Variants in PRKAA2 observed in about 807,000 individuals in gnomAD.
PRKAA2 encodes the protein 5'-AMP-activated protein kinase catalytic subunit alpha-2.
Under a neutral mutation model 56.3 loss-of-function variants are expected in PRKAA2, and 40 were observed. That is an observed-to-expected ratio of 0.71 (90% confidence interval 0.55 to 0.92). PRKAA2 has a LOEUF of 0.92. PRKAA2 is among the 40% of genes least tolerant of loss of function. The pLI, the probability that PRKAA2 is intolerant of heterozygous loss-of-function variation, is 0.00. For missense variants in PRKAA2, 542 were observed against 686.9 expected, an observed-to-expected ratio of 0.79 and a Z score of 2.36; for synonymous variants, 214 against 234.2, an observed-to-expected ratio of 0.91 and a Z score of 0.79.
chr1:56,651,723 A>G (rs1317872076), intron 1 of PRKAA2, among the ~76,000 whole-genome samples: 3 of 152,180 alleles, frequency 2.0e-5, no homozygotes, highest in South Asian at 2.1e-4. Context: ...TACTTTTCCA[A>G]CATTTACTTG....
chr1:56,700,824 C>T (rs1156718227), intron 6 of PRKAA2, among the ~76,000 whole-genome samples: 1 of 152,048 alleles, frequency 6.6e-6, no homozygotes, highest in Non-Finnish European at 1.5e-5. Flanking sequence ...CTATTCTCCC[C>T]ACCTCAATGC....
intron 6 of PRKAA2, among the ~76,000 whole-genome samples, chr1:56,700,670 G>A (rs930463494): frequency 2.0e-5 from 3 of 152,186 alleles, no homozygotes; most frequent in African/African-American, 7.2e-5. Flanking sequence ...TGGGGAGAAG[G>A]CTGTTTGCAG....
chr1:56,684,596 G>A (rs1389216984), intron 2 of PRKAA2, among the ~76,000 whole-genome samples: 2 of 152,156 alleles, frequency 1.3e-5, no homozygotes, highest in African/African-American at 4.8e-5. Context: ...GAAGCCAAGA[G>A]AAGAAAGTGT....
intron 2 of PRKAA2, among the ~76,000 whole-genome samples, chr1:56,681,139 G>C (rs577651498): frequency 6.6e-6 from 1 of 152,310 alleles, no homozygotes; most frequent in South Asian, 2.1e-4. Context: ...GTGTCTGTTG[G>C]CTGCGTAAAT....
chr1:56,703,683 G>C (rs1251801230), intron 6 of PRKAA2, among the ~76,000 whole-genome samples: 2 of 152,190 alleles, frequency 1.3e-5, no homozygotes, highest in African/African-American at 2.4e-5. Context: ...TTGCTTGAAA[G>C]CTTGAATTTT....
At chr1:56,667,222 C>T (rs917998780) in intron 1 of PRKAA2, among the ~76,000 whole-genome samples, 3 of 152,136 alleles carry the variant, frequency 2.0e-5, no homozygotes, top group Admixed American at 1.3e-4. Flanking sequence ...TATCTATGCT[C>T]GTTCCTCATT....
chr1:56,677,407 A>G (rs546166437), intron 2 of PRKAA2, among the ~76,000 whole-genome samples: 4 of 152,308 alleles, frequency 2.6e-5, no homozygotes, highest in African/African-American at 9.6e-5. Flanking sequence ...GAGAAAGCTG[A>G]AATAGCCAGA....
chr1:56,655,280 A>ATATATATATTTTTTTTTT lies in PRKAA2; in HGVS notation c.94+9800_94+9801insATATATATTTTTTTTTTT. ...TGTATTTATATATCTATATATATAT[A>ATATATATATTTTTTTTTT]TTTTTTTTTTTTTTTTGTAGAGACA... On this transcript the variant is annotated intron_variant, in intron 1 of 8. Transcript: ENST00000371244. Among the ~76,000 whole-genome samples, 10 of 93,650 alleles carry ATATATATATTTTTTTTTT rather than the reference A, an allele frequency of 1.1e-4. No homozygotes were observed. The South Asian group carries it at 1.6e-3, about 15-fold the overall frequency. 61.4% of individuals were successfully genotyped at this position (93,650 alleles called of 152,430 possible).
At chr1:56,678,929 CG>C (rs1644134020) in intron 2 of PRKAA2, among the ~76,000 whole-genome samples, 1 of 152,122 alleles carries the variant, frequency 6.6e-6, no homozygotes, top group Non-Finnish European at 1.5e-5. Context: ...CTCTTGACTT[CG>C]TGATCTGCCC....
chr1:56,681,336 G>A (rs1356473079), intron 2 of PRKAA2, among the ~76,000 whole-genome samples: 3 of 152,084 alleles, frequency 2.0e-5, no homozygotes, highest in Non-Finnish European at 4.4e-5. Flanking sequence ...AGTTTCTTTT[G>A]CTGTGCAGAA....
chr1:56,712,623 G>T lies in PRKAA2; in HGVS notation c.*4910G>T, dbSNP rs1015270432. ...TCCCAGCACTTTGGGAGGCCAAAGT[G>T]GGTGGATCACCCGAGTTCAGGAGTT... On this transcript the variant is annotated 3_prime_UTR_variant, in exon 9 of 9. Transcript: ENST00000371244. 2 of 152,118 alleles carry T rather than the reference G, an allele frequency of 1.3e-5. No homozygotes were observed. Among genetic ancestry groups the T allele is most frequent in the African/African-American group, 4.8e-5 (2 of 41,420 alleles). 9.4% of individuals were successfully genotyped at this position (152,118 alleles called of 1,614,324 possible). A position where few individuals can be genotyped will look rare whatever the true frequency, so the allele number is the denominator to read the frequency against.
At chr1:56,702,926 T>G (rs933806600) in intron 6 of PRKAA2, among the ~76,000 whole-genome samples, 3 of 152,254 alleles carry the variant, frequency 2.0e-5, no homozygotes, top group African/African-American at 7.2e-5. Context: ...GGAGGAATGG[T>G]TCTTTTTGTC....
At chr1:56,661,494 C>T (rs1363266372) in intron 1 of PRKAA2, among the ~76,000 whole-genome samples, 1 of 152,086 alleles carries the variant, frequency 6.6e-6, no homozygotes, top group African/African-American at 2.4e-5. Context: ...CTATCCATGT[C>T]ATTGCATGTA....
At chr1:56,655,280 A>ATATATATATATATATTTTTTTTT in intron 1 of PRKAA2, among the ~76,000 whole-genome samples, 1 of 93,652 alleles carries the variant, frequency 1.1e-5, no homozygotes, top group Admixed American at 1.4e-4. Flanking sequence ...ATATATATAT[A>ATATATATATATATATTTTTTTTT]TTTTTTTTTT....
intron 6 of PRKAA2, among the ~76,000 whole-genome samples, chr1:56,701,403 AT>A (rs67806312): frequency 0.019 from 2,949 of 151,806 alleles, 109 homozygotes; most frequent in African/African-American, 0.068. Context: ...TCAAAAAAAA[AT>A]ATATATAGAA....
At position 56,710,154 on chromosome 1, in the gene PRKAA2, G is replaced by A. The variant is rs1644360063; in HGVS notation, c.*2441G>A. The A allele has an allele frequency of 6.6e-6, 1 of 152,006 alleles. No homozygotes were observed. Among genetic ancestry groups the A allele is most frequent in the South Asian group, 2.1e-4 (1 of 4,824 alleles). 9.4% of individuals were successfully genotyped at this position (152,006 alleles called of 1,614,324 possible). The stretch of plus-strand genomic sequence containing the variant: ...AACTCTGAATGTGATAGGTAGATGT[G>A]GGCTAAGAATAATTTCCTCCAGTGA... On this transcript the variant is annotated 3_prime_UTR_variant, in exon 9 of 9. Transcript: ENST00000371244.
At chr1:56,673,875 C>T (rs754587321) in intron 1 of PRKAA2, among the ~76,000 whole-genome samples, 15 of 152,024 alleles carry the variant, frequency 9.9e-5, no homozygotes, top group Non-Finnish European at 8.8e-5. Flanking sequence ...GAGATTCCAT[C>T]AAATGGGGGA....
intron 1 of PRKAA2, among the ~76,000 whole-genome samples, chr1:56,645,866 A>G (rs1646636468): frequency 3.9e-5 from 6 of 152,188 alleles, no homozygotes; most frequent in South Asian, 2.1e-4. Context: ...CTGTAGGCTT[A>G]GGGCGGGGAT....
intron 3 of PRKAA2, among the ~76,000 whole-genome samples, 166 bp from the exon 4 acceptor site, chr1:56,692,192 C>T (rs548155709): frequency 4.6e-5 from 7 of 151,962 alleles, no homozygotes; most frequent in South Asian, 2.1e-4. Context: ...TCACCATGCC[C>T]GGCTAATTTT....
Sources: gnomAD v4.1 joint callset for allele counts (sites outside exome capture counted in the v4.1 genomes callset) on GRCh38, gnomAD v4.1.1 for gene constraint, MANE v1.5 for transcripts, NCBI Gene and HGNC (gene_info 2026-07-23, HGNC 2026-07-21) for gene names.